PTPRR: variants seen among roughly 807,000 people sequenced by gnomAD.
PTPRR encodes the protein protein tyrosine phosphatase receptor type R.
PTPRR carries 38 observed loss-of-function variants against 77.2 expected under a neutral mutation model. The observed-to-expected ratio is 0.49, with a 90% CI of 0.38 to 0.65. The LOEUF (loss-of-function observed/expected upper bound fraction) is 0.65, where lower values mean the gene tolerates loss of function less well. PTPRR is among the 30% of genes least tolerant of loss of function. The pLI, the probability that PTPRR is intolerant of heterozygous loss-of-function variation, is 0.00. For synonymous variants in PTPRR, 299 were observed against 283.1 expected, an observed-to-expected ratio of 1.06 and a Z score of -0.57; for missense variants, 744 against 799.2, an observed-to-expected ratio of 0.93 and a Z score of 0.83.
chr12:70,754,400 G>T (rs1890502791), intron 4 of PTPRR, 99 bp from the exon 5 acceptor site: 2 of 1,578,094 alleles, frequency 1.3e-6, no homozygotes, highest in Middle Eastern at 1.7e-4. Context: ...ATTCCATTCA[G>T]TGTAGTGCAA....
intron 2 of PTPRR, among the ~76,000 whole-genome samples, chr12:70,795,755 T>C (rs1459860244): frequency 6.6e-6 from 1 of 152,106 alleles, no homozygotes; most frequent in Non-Finnish European, 1.5e-5. Flanking sequence ...ATCTTAAATA[T>C]GTTTGGTTAC....
intron 8 of PTPRR, among the ~76,000 whole-genome samples, chr12:70,697,030 C>T (rs1888256105): frequency 6.6e-6 from 1 of 152,064 alleles, no homozygotes; most frequent in Non-Finnish European, 1.5e-5. Context: ...ATGAATAATG[C>T]TGTTATAAAT....
chr12:70,904,536 T>C (rs546794824), intron 1 of PTPRR, among the ~76,000 whole-genome samples: 1 of 151,976 alleles, frequency 6.6e-6, no homozygotes, highest in East Asian at 1.9e-4. Flanking sequence ...GTTATTTGGG[T>C]GTAGGAGTTG....
chr12:70,731,773 C>G (rs1052756184), intron 6 of PTPRR, among the ~76,000 whole-genome samples: 3 of 152,158 alleles, frequency 2.0e-5, no homozygotes, highest in Non-Finnish European at 4.4e-5. Context: ...ATCATTCAGT[C>G]AATTTTTAGA....
At chr12:70,697,807 G>A (rs1023066567) in intron 8 of PTPRR, among the ~76,000 whole-genome samples, 1 of 151,768 alleles carries the variant, frequency 6.6e-6, no homozygotes, top group South Asian at 2.1e-4. Flanking sequence ...TTTTCCCATT[G>A]AATTGTTTGA....
In PTPRR at chr12:70,767,858, A is replaced by T. The variant is rs190161442; in HGVS notation, c.358-3080T>A. Among the ~76,000 whole-genome samples, 243 of 152,290 alleles carry T rather than the reference A, an allele frequency of 1.6e-3. 4 individuals are homozygous for T. The highest frequency in any genetic ancestry group is 5.2e-3 in the African/African-American group (217 of 41,546). On this transcript the variant is annotated intron_variant, in intron 2 of 13. Coordinates refer to ENST00000283228, the MANE Select transcript of PTPRR (RefSeq NM_002849.4). ...TCAAAGTAGAACTCAGGATTAAGAA[A>T]CTCACTCAAAACCACTCAACTACAT...
At chr12:70,756,133 T>G (rs1371364366) in intron 4 of PTPRR, among the ~76,000 whole-genome samples, 1 of 147,848 alleles carries the variant, frequency 6.8e-6, no homozygotes, top group Admixed American at 6.7e-5. Context: ...ATTTGGTTCA[T>G]TTTTTTTTCT....
chr12:70,760,671 T>C (rs1486818224), intron 4 of PTPRR, among the ~76,000 whole-genome samples: 2 of 152,216 alleles, frequency 1.3e-5, no homozygotes. Context: ...GGTGGTGCTT[T>C]ACGCCTCTCT....
At chr12:70,912,001 C>T (rs1230883985) in intron 1 of PTPRR, among the ~76,000 whole-genome samples, 2 of 152,196 alleles carry the variant, frequency 1.3e-5, no homozygotes, top group African/African-American at 2.4e-5. Context: ...AGAAACATGA[C>T]ATTTCCCCTT....
chr12:70,693,183 G>A (rs1888112108), intron 8 of PTPRR, among the ~76,000 whole-genome samples: 1 of 152,142 alleles, frequency 6.6e-6, no homozygotes, highest in South Asian at 2.1e-4. Context: ...TGATTTACTG[G>A]TAAAGCTAAA....
At chr12:70,659,929 TTTGGGAGGCCAAGACAGGTGGATCACG>T (rs143043972) in intron 12 of PTPRR, among the ~76,000 whole-genome samples, 9,413 of 152,108 alleles carry the variant, frequency 0.062, 459 homozygotes, top group Admixed American at 0.15. Context: ...ATCCCAGCAC[TTTGGGAGGCCAAGACAGGTGGATCACG>T]TTTGAAGTCA....
chr12:70,783,342 C>G (rs1329049933), intron 2 of PTPRR, among the ~76,000 whole-genome samples: 1 of 152,018 alleles, frequency 6.6e-6, no homozygotes, highest in Non-Finnish European at 1.5e-5. Context: ...CTGCTCTCAG[C>G]AGAGAGGAGG....
chr12:70,648,769 T>A (rs147514087), intron 13 of PTPRR, among the ~76,000 whole-genome samples: 54 of 152,218 alleles, frequency 3.5e-4, no homozygotes, highest in African/African-American at 1.2e-3. Context: ...ACCCACTTCA[T>A]CTTTTAATTA....
intron 6 of PTPRR, among the ~76,000 whole-genome samples, chr12:70,708,209 G>A (rs1265571628): frequency 2.0e-5 from 3 of 152,112 alleles, no homozygotes; most frequent in Non-Finnish European, 4.4e-5. Context: ...GAGTTCTCCT[G>A]TTGTACCCAG....
rs192875152 is a variant in PTPRR at position 70,875,059 on chromosome 12, C to T, written c.357+17620G>A. Among the ~76,000 whole-genome samples, 604 of 150,938 alleles carry T rather than the reference C, an allele frequency of 4.0e-3. 4 individuals are homozygous for T. Among genetic ancestry groups the T allele is most frequent in the Non-Finnish European group, 5.8e-3 (392 of 67,840 alleles). On this transcript the variant is annotated intron_variant, in intron 2 of 13. Transcript: ENST00000283228. ...ATATGGCCAAAAATAAAGGTATTAACAATGTGAATTATCATTCATAGAGGA... is the reference window on the plus strand; with the variant it reads ...ATATGGCCAAAAATAAAGGTATTAATAATGTGAATTATCATTCATAGAGGA...
chr12:70,820,835 A>G (rs1891994571), intron 2 of PTPRR, among the ~76,000 whole-genome samples: 1 of 152,174 alleles, frequency 6.6e-6, no homozygotes, highest in South Asian at 2.1e-4. Flanking sequence ...AGCAAGAATC[A>G]CACCACTCCA....
intron 2 of PTPRR, among the ~76,000 whole-genome samples, chr12:70,843,436 T>C (rs1047471314): frequency 6.6e-6 from 1 of 152,208 alleles, no homozygotes; most frequent in Non-Finnish European, 1.5e-5. Context: ...AACATAAACA[T>C]CTTAAATTAC....
chr12:70,660,036 G>T (rs568130296), intron 12 of PTPRR, among the ~76,000 whole-genome samples: 1 of 152,010 alleles, frequency 6.6e-6, no homozygotes, highest in Admixed American at 6.6e-5. Flanking sequence ...AATTAGCCAG[G>T]CGTGGTGGTG....
At chr12:70,735,247 TCACA>T (rs2136898668) in intron 6 of PTPRR, among the ~76,000 whole-genome samples, 2 of 152,334 alleles carry the variant, frequency 1.3e-5, no homozygotes, top group East Asian at 3.9e-4. Flanking sequence ...TAGTCCGTTC[TCACA>T]CTGCTAATAA....
Sources: allele counts gnomAD v4.1 joint callset (sites outside exome capture counted in the v4.1 genomes callset), GRCh38; gene constraint gnomAD v4.1.1; transcripts MANE v1.5; gene names NCBI Gene and HGNC (gene_info 2026-07-23, HGNC 2026-07-21).